The following PNPLA1 variants were observed in gnomAD, a reference collection of about 807,000 sequenced individuals.
PNPLA1 encodes the protein patatin like domain 1, omega-hydroxyceramide transacylase, also known as omega-hydroxyceramide transacylase.
PNPLA1 carries 36 observed loss-of-function variants against 51.7 expected under a neutral mutation model. The ratio of observed to expected loss-of-function variants is 0.70; its 90% CI spans 0.53 to 0.92. The LOEUF (loss-of-function observed/expected upper bound fraction) is 0.92, where lower values mean the gene tolerates loss of function less well. Among genes scored for constraint, PNPLA1 ranks in the 40% least tolerant of loss-of-function variants. The probability of loss-of-function intolerance (pLI) is 0.00; values close to 1 mark genes in which losing one functional copy is unlikely to be tolerated. For missense variants in PNPLA1, 658 were observed against 682.5 expected, an observed-to-expected ratio of 0.96 and a Z score of 0.40; for synonymous variants, 293 against 280.1, an observed-to-expected ratio of 1.05 and a Z score of -0.46.
At chr6:36,268,255 C>A (rs963219666), upstream of PNPLA1, among the ~76,000 whole-genome samples, 2 of 152,172 alleles carry the variant, frequency 1.3e-5, no homozygotes, top group Non-Finnish European at 2.9e-5. Flanking sequence ...TCTTACTACC[C>A]TCTGATAACC....
At chr6:36,264,774 A>G (rs1769725695) in intron 1 of PNPLA1, among the ~76,000 whole-genome samples, 1 of 152,188 alleles carries the variant, frequency 6.6e-6, no homozygotes, top group Admixed American at 6.5e-5. Context: ...CTTTCATTAT[A>G]AGAAAAAAGA....
At chr6:36,264,630 A>G (rs1011815340) in intron 1 of PNPLA1, among the ~76,000 whole-genome samples, 1 of 152,200 alleles carries the variant, frequency 6.6e-6, no homozygotes, top group African/African-American at 2.4e-5. Flanking sequence ...TTTCACCTTT[A>G]CTTGTGACGT....
intron 1 of PNPLA1, among the ~76,000 whole-genome samples, chr6:36,264,520 A>G (rs1462086196): frequency 2.0e-5 from 3 of 152,250 alleles, no homozygotes; most frequent in Non-Finnish European, 4.4e-5. Flanking sequence ...TATAAAAAAC[A>G]TGGAAGGGAA....
intron 3 of PNPLA1, among the ~76,000 whole-genome samples, 200 bp from the exon 4 acceptor site, chr6:36,293,989 CA>C (rs1203317323): frequency 1.3e-5 from 2 of 152,102 alleles, no homozygotes; most frequent in Non-Finnish European, 2.9e-5. Flanking sequence ...GTCCAGAGGC[CA>C]ATGCAGACTC....
At chr6:36,282,094 AAGGAAG>A (rs1561859344) in intron 1 of PNPLA1, among the ~76,000 whole-genome samples, 146 of 130,574 alleles carry the variant, frequency 1.1e-3, no homozygotes, top group African/African-American at 3.3e-3. Context: ...AGAAAGAAGG[AAGGAAG>A]GAAGGAAGGA....
At chr6:36,296,918 G>A (rs1343671977) in intron 5 of PNPLA1, among the ~76,000 whole-genome samples, 13 of 152,160 alleles carry the variant, frequency 8.5e-5, no homozygotes, top group Admixed American at 7.9e-4. Context: ...TAATCTCCTG[G>A]GGCCTCAGTT....
At chr6:36,292,988 A>G in intron 2 of PNPLA1, 73 bp from the exon 3 acceptor site, 1 of 1,361,854 alleles carries the variant, frequency 7.3e-7, no homozygotes, top group Non-Finnish European at 1.0e-6. Context: ...TGGGTGGCCC[A>G]GGGGCTGACA....
At chr6:36,272,020 G>A (rs1407605143) in intron 1 of PNPLA1, among the ~76,000 whole-genome samples, 2 of 152,224 alleles carry the variant, frequency 1.3e-5, no homozygotes, top group Non-Finnish European at 2.9e-5. Flanking sequence ...ACCAGCGACT[G>A]GTTTTGTGGA....
rs148250147 is a variant in PNPLA1, at chr6:36,312,830, C to G, written c.*944C>G. Among the ~76,000 whole-genome samples the G allele has an allele frequency of 3.3e-5, 5 of 152,302 alleles. No homozygotes were observed. The highest frequency in any genetic ancestry group is 1.2e-4 in the African/African-American group (5 of 41,552). On this transcript the variant is annotated 3_prime_UTR_variant, in exon 9 of 9. Coordinates refer to ENST00000636260, the MANE Select transcript of PNPLA1 (RefSeq NM_001374623.1). The stretch of plus-strand genomic sequence containing the variant: ...CCAGCACTGATCGGCACTCATGGAC[C>G]TTCCTCTCAACCTTGGCCTGAGCTT...
intron 5 of PNPLA1, among the ~76,000 whole-genome samples, chr6:36,298,599 C>CT (rs2127349235): frequency 6.6e-6 from 1 of 152,326 alleles, no homozygotes; most frequent in African/African-American, 2.4e-5. Context: ...CACCATCCCA[C>CT]TTTCTGTGCT....
chr6:36,266,203 C>T (rs1769755876), upstream of PNPLA1, among the ~76,000 whole-genome samples: 1 of 152,208 alleles, frequency 6.6e-6, no homozygotes, highest in African/African-American at 2.4e-5. Context: ...GGCTATCAGC[C>T]TGAATGCAAC....
chr6:36,262,132 G>T (rs1044220628), intron 1 of PNPLA1, among the ~76,000 whole-genome samples: 11 of 152,126 alleles, frequency 7.2e-5, no homozygotes, highest in Non-Finnish European at 1.6e-4. Flanking sequence ...GAGAGCCTGG[G>T]GGTGACCCAG....
intron 7 of PNPLA1, among the ~76,000 whole-genome samples, chr6:36,306,884 C>T (rs1771254365): frequency 6.6e-6 from 1 of 152,208 alleles, no homozygotes; most frequent in Admixed American, 6.5e-5. Context: ...CATCAAGTGT[C>T]TGGGTTGCAT....
At chr6:36,264,919 A>C (rs79147002) in intron 1 of PNPLA1, among the ~76,000 whole-genome samples, 1 of 152,350 alleles carries the variant, frequency 6.6e-6, no homozygotes, top group Non-Finnish European at 1.5e-5. Context: ...ACCTTTAAAA[A>C]TTCCTGACTT....
intron 7 of PNPLA1, among the ~76,000 whole-genome samples, chr6:36,307,016 G>T (rs1771258026): frequency 1.3e-5 from 2 of 152,114 alleles, no homozygotes; most frequent in African/African-American, 2.4e-5. Context: ...CGTTTGTACT[G>T]GTGGTGGGGG....
At chr6:36,268,030 T>G (rs976399498), upstream of PNPLA1, among the ~76,000 whole-genome samples, 2 of 152,144 alleles carry the variant, frequency 1.3e-5, no homozygotes, top group Non-Finnish European at 2.9e-5. Context: ...TTCCTGCAGC[T>G]GCCACCCTGG....
chr6:36,251,190 A>T (rs1437676726), intron 1 of PNPLA1, among the ~76,000 whole-genome samples: 1 of 152,050 alleles, frequency 6.6e-6, no homozygotes, highest in African/African-American at 2.4e-5. Context: ...CATTTAACTA[A>T]CTATTCATTC....
At chr6:36,307,849 A>G (rs1309957348) in intron 8 of PNPLA1, 137 bp downstream of exon 8, 7 of 1,144,792 alleles carry the variant, frequency 6.1e-6, no homozygotes, top group East Asian at 3.0e-5. Flanking sequence ...GAACAGACAC[A>G]TCCGACATAA....
At chr6:36,273,783 C>T (rs1770005451) in intron 1 of PNPLA1, among the ~76,000 whole-genome samples, 1 of 137,872 alleles carries the variant, frequency 7.3e-6, no homozygotes, top group Admixed American at 7.3e-5. Context: ...ATTTTTCAGA[C>T]CTAATTTAAC....
Sources: allele counts gnomAD v4.1 joint callset (sites outside exome capture counted in the v4.1 genomes callset), GRCh38; gene constraint gnomAD v4.1.1; transcripts MANE v1.5; gene names NCBI Gene and HGNC (gene_info 2026-07-23, HGNC 2026-07-21).